The following SP4 variants were observed in gnomAD, a reference collection of about 807,000 sequenced individuals.
SP4 encodes the protein transcription factor Sp4.
In SP4, 19 loss-of-function variants were observed where a neutral mutation model predicts 72.8. That is an observed-to-expected ratio of 0.26 (90% CI 0.18 to 0.38). The LOEUF (loss-of-function observed/expected upper bound fraction) is 0.38, where lower values mean the gene tolerates loss of function less well. Among genes scored for constraint, SP4 ranks in the 10% least tolerant of loss-of-function variants. The pLI is 1.00. For synonymous variants in SP4, 395 were observed against 333.1 expected, an observed-to-expected ratio of 1.19 and a Z score of -2.02; for missense variants, 1,008 against 926.3, an observed-to-expected ratio of 1.09 and a Z score of -1.14.
At chr7:21,462,288 A>G (rs1784019931) in intron 3 of SP4, among the ~76,000 whole-genome samples, 1 of 152,116 alleles carries the variant, frequency 6.6e-6, no homozygotes, top group African/African-American at 2.4e-5. Flanking sequence ...CAGTTTCGGG[A>G]CCATAGTATT....
intron 3 of SP4, among the ~76,000 whole-genome samples, chr7:21,464,017 C>G (rs986982152): frequency 6.6e-6 from 1 of 151,916 alleles, no homozygotes; most frequent in African/African-American, 2.4e-5. Flanking sequence ...GTACTTTGCA[C>G]AGTGCTTAGA....
chr7:21,476,219 A>T (rs1454087309), intron 3 of SP4, among the ~76,000 whole-genome samples: 2 of 141,800 alleles, frequency 1.4e-5, no homozygotes, highest in Non-Finnish European at 3.0e-5. Context: ...GGTTGCAGTG[A>T]GCCGAGATCG....
intron 3 of SP4, among the ~76,000 whole-genome samples, chr7:21,465,768 C>T (rs1043964053): frequency 5.9e-5 from 9 of 151,922 alleles, no homozygotes; most frequent in African/African-American, 1.7e-4. Flanking sequence ...AGGGCTGAGG[C>T]GGGATGATTG....
At chr7:21,504,821 C>G (rs1464765287) in intron 5 of SP4, among the ~76,000 whole-genome samples, 1 of 152,202 alleles carries the variant, frequency 6.6e-6, no homozygotes, top group Admixed American at 6.5e-5. Flanking sequence ...TAGCTTTCTA[C>G]TCTCCTACCA....
At chr7:21,442,195 C>T (rs1202524535) in intron 3 of SP4, among the ~76,000 whole-genome samples, 3 of 151,844 alleles carry the variant, frequency 2.0e-5, no homozygotes, top group East Asian at 1.9e-4. Context: ...CCCGCCACCA[C>T]GCCCAGCCAA....
At chr7:21,490,631 A>G (rs1360883036) in intron 5 of SP4, among the ~76,000 whole-genome samples, 1 of 152,194 alleles carries the variant, frequency 6.6e-6, no homozygotes, top group Non-Finnish European at 1.5e-5. Context: ...GCATAGGGGA[A>G]ATTTTGAGAG....
At chr7:21,481,891 G>C in intron 4 of SP4, 33 bp from the exon 5 acceptor site, 1 of 1,447,494 alleles carries the variant, frequency 6.9e-7, no homozygotes, top group Non-Finnish European at 9.7e-7. Flanking sequence ...CTATTTGGCA[G>C]TGTAATTAAT....
At chr7:21,468,945 GCTCTT>G (rs2128405722) in intron 3 of SP4, among the ~76,000 whole-genome samples, 1 of 152,218 alleles carries the variant, frequency 6.6e-6, no homozygotes, top group African/African-American at 2.4e-5. Flanking sequence ...AATGAATGCA[GCTCTT>G]TATATATACT....
chr7:21,428,860 A>G (rs1782725604), intron 2 of SP4, 68 bp downstream of exon 2: 1 of 1,185,848 alleles, frequency 8.4e-7, no homozygotes, highest in Admixed American at 2.5e-5. Context: ...ATGCCCTTTG[A>G]ATGTCCAGAA....
At chr7:21,480,024 T>G (rs1230624518) in intron 4 of SP4, among the ~76,000 whole-genome samples, 1 of 152,034 alleles carries the variant, frequency 6.6e-6, no homozygotes, top group African/African-American at 2.4e-5. Flanking sequence ...AGTAGAGTCT[T>G]TAGGATTTCT....
rs181093294 is a variant in SP4 at position 21,486,283 on chromosome 7, A to C, written c.2107+4160A>C. ...GTTGCAAAGCTAGCATAGAGTTCGC[A>C]TATCATTCACCAAGCTTCCCTTATT... On this transcript the variant is annotated intron_variant, in intron 5 of 5. Coordinates refer to ENST00000222584, the MANE Select transcript of SP4 (RefSeq NM_003112.5). Among the ~76,000 whole-genome samples the C allele has an allele frequency of 3.9e-5, 6 of 152,020 alleles. No individual in the cohort carries two copies. In the East Asian group the frequency reaches 1.2e-3, roughly 29 times the overall value.
intron 5 of SP4, among the ~76,000 whole-genome samples, chr7:21,491,384 A>T (rs1046632858): frequency 4.6e-5 from 7 of 152,264 alleles, no homozygotes; most frequent in African/African-American, 1.7e-4. Context: ...AAGGAAGAAG[A>T]TTGGGGAGTC....
chr7:21,495,386 A>G (rs1230634868), intron 5 of SP4, among the ~76,000 whole-genome samples: 2 of 152,174 alleles, frequency 1.3e-5, no homozygotes, highest in Non-Finnish European at 1.5e-5. Context: ...AGAAGTTTTA[A>G]ACTCAGTGTA....
intron 3 of SP4, among the ~76,000 whole-genome samples, chr7:21,451,623 CAG>C (rs1027968318): frequency 5.3e-5 from 8 of 152,186 alleles, no homozygotes; most frequent in South Asian, 2.1e-4. Flanking sequence ...CCAAGGGAGA[CAG>C]GGGCAGGATT....
intron 3 of SP4, among the ~76,000 whole-genome samples, chr7:21,440,886 A>G (rs536255392): frequency 0.033 from 564 of 16,914 alleles, 4 homozygotes; most frequent in East Asian, 0.13. Context: ...AACAACAACA[A>G]CAGCAGCAAA....
intron 5 of SP4, among the ~76,000 whole-genome samples, chr7:21,503,720 A>G (rs1781924977): frequency 6.6e-6 from 1 of 152,182 alleles, no homozygotes. Context: ...TAGTCTTCCT[A>G]CTTTGGGCAT....
intron 5 of SP4, 94 bp from the exon 6 acceptor site, chr7:21,510,928 A>G: frequency 4.0e-6 from 5 of 1,253,146 alleles, no homozygotes; most frequent in Non-Finnish European, 5.5e-6. Context: ...ACTGTACAAA[A>G]AGTCATATAA....
chr7:21,461,721 C>T (rs1783996247), intron 3 of SP4, among the ~76,000 whole-genome samples: 1 of 152,172 alleles, frequency 6.6e-6, no homozygotes, highest in African/African-American at 2.4e-5. Flanking sequence ...AAGGGCTCCT[C>T]AAGCGCAGCC....
chr7:21,468,206 C>T (rs1334192329), intron 3 of SP4, among the ~76,000 whole-genome samples: 1 of 152,124 alleles, frequency 6.6e-6, no homozygotes, highest in African/African-American at 2.4e-5. Context: ...ATTTTAATTA[C>T]TGTAGCTACC....
Sources: gnomAD v4.1 joint callset for allele counts (sites outside exome capture counted in the v4.1 genomes callset) on GRCh38, gnomAD v4.1.1 for gene constraint, MANE v1.5 for transcripts, NCBI Gene and HGNC (gene_info 2026-07-23, HGNC 2026-07-21) for gene names.